DYSF: variants seen among roughly 807,000 people sequenced by gnomAD.
DYSF encodes dysferlin.
In DYSF, 212 loss-of-function variants were observed where a neutral mutation model predicts 274.9. The observed-to-expected ratio is 0.77, with a 90% CI of 0.69 to 0.86. The LOEUF (loss-of-function observed/expected upper bound fraction) is 0.86. Ranked by LOEUF, DYSF falls within the 40% of genes least tolerant of loss-of-function variation. DYSF has a pLI of 0.00. For synonymous variants in DYSF, 1,091 were observed against 1,078.7 expected, an observed-to-expected ratio of 1.01 and a Z score of -0.22; for missense variants, 2,666 against 2,783.2, an observed-to-expected ratio of 0.96 and a Z score of 0.95.
At chr2:71,560,744 CAGCCGGG>C (rs1247841381) in intron 22 of DYSF, among the ~76,000 whole-genome samples, 4 of 152,130 alleles carry the variant, frequency 2.6e-5, no homozygotes, top group Non-Finnish European at 5.9e-5. Context: ...AAAAATAAAT[CAGCCGGG>C]AGCCGGGAGT....
chr2:71,668,923 G>T (rs776140100), intron 49 of DYSF, 81 bp downstream of exon 49: 4 of 1,459,526 alleles, frequency 2.7e-6, no homozygotes, highest in Non-Finnish European at 3.8e-6. Context: ...CTAGGCGGTT[G>T]CTCTTTTCTG....
intron 41 of DYSF, among the ~76,000 whole-genome samples, chr2:71,634,321 T>TAA (rs2094360515): frequency 6.6e-6 from 1 of 152,254 alleles, no homozygotes; most frequent in Non-Finnish European, 1.5e-5. Flanking sequence ...ACATTTGGAA[T>TAA]GAGAAAACAT....
intron 53 of DYSF, 118 bp from the exon 54 acceptor site, chr2:71,680,883 C>A (rs1194990730): frequency 8.5e-6 from 7 of 825,064 alleles, no homozygotes; most frequent in African/African-American, 1.7e-5. Flanking sequence ...TGTTCAGAAA[C>A]CCTACATCTT....
At chr2:71,664,584 TCCTATCCCCA>T in intron 46 of DYSF, 146 bp downstream of exon 46, 1 of 917,922 alleles carries the variant, frequency 1.1e-6, no homozygotes. Context: ...CCAATGGGAG[TCCTATCCCCA>T]CTCCACAGAT....
chr2:71,603,590 T>A (rs891772595), intron 36 of DYSF, among the ~76,000 whole-genome samples: 3 of 152,194 alleles, frequency 2.0e-5, no homozygotes, highest in Admixed American at 6.5e-5. Context: ...AGTCAGGATG[T>A]GGGATCCACA....
At chr2:71,476,948 A>C (rs1172901580) in intron 1 of DYSF, among the ~76,000 whole-genome samples, 1 of 151,980 alleles carries the variant, frequency 6.6e-6, no homozygotes, top group African/African-American at 2.4e-5. Context: ...CTGCCATTTC[A>C]AGGAAAATGG....
At chr2:71,507,010 C>T (rs2085545802) in intron 4 of DYSF, among the ~76,000 whole-genome samples, 1 of 152,080 alleles carries the variant, frequency 6.6e-6, no homozygotes, top group African/African-American at 2.4e-5. Context: ...ACCGGATGCT[C>T]AGGAAACCCC....
At chr2:71,617,800 GGGTATA>G (rs2093930948) in intron 40 of DYSF, among the ~76,000 whole-genome samples, 2 of 121,212 alleles carry the variant, frequency 1.7e-5, no homozygotes, top group African/African-American at 2.9e-5. Context: ...GGTAGAGGTG[GGGTATA>G]TGTGTGTGTG....
intron 2 of DYSF, among the ~76,000 whole-genome samples, chr2:71,481,205 C>G (rs2082860468): frequency 6.6e-6 from 1 of 152,182 alleles, no homozygotes; most frequent in African/African-American, 2.4e-5. Flanking sequence ...AAAGGGTGCT[C>G]AGGGACTCTC....
intron 36 of DYSF, among the ~76,000 whole-genome samples, chr2:71,610,193 G>T (rs978677892): frequency 6.6e-6 from 1 of 152,190 alleles, no homozygotes; most frequent in Non-Finnish European, 1.5e-5. Flanking sequence ...TGACATGGAA[G>T]TAAAGAGTCT....
Position 71,503,253 on chromosome 2 carries a change from C to G in DYSF, c.279C>G (p.Leu93=). 1 of 1,614,126 alleles carries G rather than the reference C, an allele frequency of 6.2e-7. No homozygotes were observed. The highest frequency in any genetic ancestry group is 1.1e-5 in the South Asian group (1 of 91,088). The change falls in exon 4 of 56, where the codon CTC becomes CTG. Residue 93 remains leucine (L), a synonymous_variant. Transcript: ENST00000410020. ...GEAKVPLREV[L]ATPSLSASFN... ...CCAAGGTCCCACTCCGAGAGGTCCT[C>G]GCCACCCCTAGTCTGTCCGCCAGCT... is the stretch of plus-strand genomic sequence containing the variant.
chr2:71,501,219 A>C (rs2084936902), intron 3 of DYSF, among the ~76,000 whole-genome samples: 1 of 152,132 alleles, frequency 6.6e-6, no homozygotes, highest in Admixed American at 6.5e-5. Flanking sequence ...ATATTAGTGA[A>C]TATCTCTCCC....
chr2:71,578,224 C>CCAT (rs2092776807), intron 30 of DYSF, among the ~76,000 whole-genome samples: 1 of 152,124 alleles, frequency 6.6e-6, no homozygotes, highest in East Asian at 1.9e-4. Flanking sequence ...GGTCCAGGGG[C>CCAT]CATCTCGGAG....
intron 14 of DYSF, among the ~76,000 whole-genome samples, chr2:71,529,163 G>A (rs919192713): frequency 1.3e-5 from 2 of 152,162 alleles, no homozygotes; most frequent in Non-Finnish European, 2.9e-5. Context: ...TCTTAACCAG[G>A]TACAACCATC....
intron 41 of DYSF, among the ~76,000 whole-genome samples, chr2:71,639,888 A>G (rs1020864447): frequency 1.3e-5 from 2 of 152,224 alleles, no homozygotes; most frequent in Admixed American, 1.3e-4. Context: ...AACCAGGTCT[A>G]TGCAACAACA....
At chr2:71,661,190 CT>C (rs112275022) in intron 45 of DYSF, among the ~76,000 whole-genome samples, 2,159 of 134,392 alleles carry the variant, frequency 0.016, 31 homozygotes, top group African/African-American at 0.035. Flanking sequence ...TTTGCTAATT[CT>C]TTTTTTTTTT....
In DYSF at chr2:71,513,816, A is replaced by G; in HGVS notation, c.654A>G (p.Pro218=). Residue 218 remains proline, a synonymous_variant, in exon 7 of 56, where the codon CCA becomes CCG. Transcript: ENST00000410020. ...QSGGPGAPTT[P]RKLPSRPPPH... ...GAGGCCCGGGGGCTCCCACCACCCCAAGGAAACTACCTTCACGTCCTCCGC... is the reference window on the plus strand; with the variant it reads ...GAGGCCCGGGGGCTCCCACCACCCCGAGGAAACTACCTTCACGTCCTCCGC... 1.2e-6 allele frequency: 2 copies of G among 1,614,174 alleles called. No individual in the cohort carries two copies. The highest frequency in any genetic ancestry group is 3.3e-4 in the Middle Eastern group (2 of 6,056).
chr2:71,526,566 C>T (rs1307809443), intron 13 of DYSF, among the ~76,000 whole-genome samples: 1 of 152,256 alleles, frequency 6.6e-6, no homozygotes, highest in Non-Finnish European at 1.5e-5. Context: ...CCAATGTCCT[C>T]TGGGCCTGGT....
intron 45 of DYSF, among the ~76,000 whole-genome samples, chr2:71,662,454 A>G (rs1344907044): frequency 2.7e-5 from 4 of 150,328 alleles, no homozygotes; most frequent in Admixed American, 6.6e-5. Flanking sequence ...GTATGTGTGT[A>G]TATGTGCACA....
Sources: gnomAD v4.1 joint callset for allele counts (sites outside exome capture counted in the v4.1 genomes callset) on GRCh38, gnomAD v4.1.1 for gene constraint, MANE v1.5 for transcripts, NCBI Gene and HGNC (gene_info 2026-07-23, HGNC 2026-07-21) for gene names.